The following DSCAM variants were observed in gnomAD, a reference collection of about 807,000 sequenced individuals.
DSCAM encodes the protein DS cell adhesion molecule, also known as cell adhesion molecule DSCAM.
In DSCAM, 47 loss-of-function variants were observed where a neutral mutation model predicts 217.7. The ratio of observed to expected loss-of-function variants is 0.22; its 90% confidence interval spans 0.17 to 0.28. The LOEUF is 0.28. Ranked by LOEUF, DSCAM falls within the 10% of genes least tolerant of loss-of-function variation. The pLI, the probability that DSCAM is intolerant of heterozygous loss-of-function variation, is 1.00. For missense variants in DSCAM, 2,080 were observed against 2,618.3 expected (o/e 0.79, Z 4.49); for synonymous variants, 1,056 against 1,015.3 (o/e 1.04, Z -0.76).
At chr21:40,812,655 T>C (rs2123550493) in intron 1 of DSCAM, among the ~76,000 whole-genome samples, 1 of 152,300 alleles carries the variant, frequency 6.6e-6, no homozygotes, top group South Asian at 2.1e-4. Flanking sequence ...GTCCAGACAA[T>C]TGAACATATA....
intron 30 of DSCAM, among the ~76,000 whole-genome samples, chr21:40,048,142 G>A (rs1801423227): frequency 6.6e-6 from 1 of 152,168 alleles, no homozygotes; most frequent in Non-Finnish European, 1.5e-5. Flanking sequence ...TCTGAGACTA[G>A]GTGATGTCAT....
In DSCAM at chr21:40,028,297, G is replaced by A. The variant is rs1432866388; in HGVS notation, c.5686+14074C>T. 1.5e-4 allele frequency among the ~76,000 whole-genome samples: 17 copies of A among 109,912 alleles called. 5 individuals carry two copies. Among genetic ancestry groups the A allele is most frequent in the Non-Finnish European group, 1.3e-4 (7 of 53,180 alleles). 72.1% of individuals were successfully genotyped at this position (109,912 alleles called of 152,430 possible). On this transcript the variant is annotated intron_variant, in intron 32 of 32. Coordinates refer to ENST00000400454, the MANE Select transcript of DSCAM (RefSeq NM_001389.5). ...AGACAGGGACATTTGAGTCTGCAGA[G>A]GTTACTGCTGTCTTTTTGTTTGTCT...
At chr21:40,485,894 AC>A (rs1443795806) in intron 3 of DSCAM, among the ~76,000 whole-genome samples, 2 of 152,210 alleles carry the variant, frequency 1.3e-5, no homozygotes, top group African/African-American at 4.8e-5. Context: ...CCTTTTGACT[AC>A]CAACACAATT....
chr21:40,042,912 C>T (rs2088779716), intron 31 of DSCAM, among the ~76,000 whole-genome samples: 1 of 152,092 alleles, frequency 6.6e-6, no homozygotes, highest in African/African-American at 2.4e-5. Flanking sequence ...GATGTCCCAG[C>T]TTGGGACATT....
intron 3 of DSCAM, among the ~76,000 whole-genome samples, chr21:40,523,282 C>CA (rs35365201): frequency 0.2 from 30,795 of 151,998 alleles, 3,388 homozygotes; most frequent in East Asian, 0.36. Flanking sequence ...CCAAATATTG[C>CA]AATTCCCAAG....
At chr21:40,422,976 G>T (rs755774455) in intron 3 of DSCAM, among the ~76,000 whole-genome samples, 1 of 152,140 alleles carries the variant, frequency 6.6e-6, no homozygotes, top group Non-Finnish European at 1.5e-5. Context: ...ATCTTTATCT[G>T]AGCAGAATCC....
At chr21:40,732,856 G>A (rs1019810963) in intron 1 of DSCAM, among the ~76,000 whole-genome samples, 1 of 152,190 alleles carries the variant, frequency 6.6e-6, no homozygotes, top group Non-Finnish European at 1.5e-5. Flanking sequence ...CCACGGATAT[G>A]ATGATCACTT....
intron 9 of DSCAM, among the ~76,000 whole-genome samples, chr21:40,297,594 A>C (rs572515690): frequency 8.8e-4 from 134 of 152,326 alleles, no homozygotes; most frequent in African/African-American, 3.1e-3. Flanking sequence ...GAAGATGGTT[A>C]GGGCCTAAGT....
chr21:40,080,453 T>C, intron 24 of DSCAM, 113 bp from the exon 25 acceptor site: 2 of 931,848 alleles, frequency 2.1e-6, no homozygotes, highest in Non-Finnish European at 3.1e-6. Flanking sequence ...AACTGAAGAA[T>C]CTTCAGAAGG....
At position 40,656,561 on chromosome 21, in the gene DSCAM, G is replaced by A. The variant is rs374543110; in HGVS notation, c.508+36249C>T. 1.1e-3 allele frequency among the ~76,000 whole-genome samples: 163 copies of A among 151,868 alleles called. 2 individuals are homozygous for A. Among genetic ancestry groups the A allele is most frequent in the African/African-American group, 3.9e-3 (161 of 41,408 alleles). ...AGTTCTGTCTGCACAAGTCCGGTAT[G>A]TTCTCCTCTCTTAAAAGAGCAAGAT... On this transcript the variant is annotated intron_variant, in intron 3 of 32. Transcript: ENST00000400454.
chr21:40,579,781 T>C lies in DSCAM; in HGVS notation c.508+113029A>G, dbSNP rs545339765. On this transcript the variant is annotated intron_variant, in intron 3 of 32. Coordinates refer to ENST00000400454, the MANE Select transcript of DSCAM (RefSeq NM_001389.5). ...TCAAAAATTAAGCAAAACAAAGATG[T>C]TTTCAGATATAAGAATAAAAGAATG... 2.0e-5 allele frequency among the ~76,000 whole-genome samples: 3 copies of C among 152,294 alleles called. No individual in the cohort carries two copies. In the South Asian group the frequency reaches 6.2e-4, roughly 32 times the overall value.
intron 3 of DSCAM, among the ~76,000 whole-genome samples, chr21:40,601,582 T>C (rs1316326850): frequency 1.3e-5 from 2 of 152,226 alleles, no homozygotes; most frequent in Non-Finnish European, 1.5e-5. Context: ...AATCTTTTAC[T>C]TGTTCCAATC....
rs2089576720 is a variant in DSCAM at position 40,624,766 on chromosome 21, A to C, written c.508+68044T>G. Among the ~76,000 whole-genome samples, 5 of 27,122 alleles carry C rather than the reference A, an allele frequency of 1.8e-4. No individual in the cohort carries two copies. In the Admixed American group the frequency reaches 2.4e-3, roughly 13 times the overall value. The allele number at this position is 27,122 out of a possible 152,430, so 17.8% of individuals were successfully genotyped here. On this transcript the variant is annotated intron_variant, in intron 3 of 32. Coordinates refer to ENST00000400454, the MANE Select transcript of DSCAM (RefSeq NM_001389.5). ...GAAACCTTTGTGTGCATACACATCC[A>C]AAAGCACATCCACACAAACACACAC...
chr21:40,369,271 G>T, intron 3 of DSCAM, 26 bp from the exon 4 acceptor site: 2 of 1,592,080 alleles, frequency 1.3e-6, no homozygotes, highest in Non-Finnish European at 8.5e-7. Context: ...ACAGTGGCTT[G>T]GTTAAAAGAC....
intron 3 of DSCAM, among the ~76,000 whole-genome samples, chr21:40,620,436 A>G (rs1304042488): frequency 1.6e-5 from 2 of 126,798 alleles, no homozygotes; most frequent in African/African-American, 6.1e-5. Context: ...GGGAGGGGGA[A>G]GGGAGGGAAA....
At chr21:40,661,675 G>A (rs2090140654) in intron 3 of DSCAM, among the ~76,000 whole-genome samples, 1 of 152,182 alleles carries the variant, frequency 6.6e-6, no homozygotes. Flanking sequence ...AACACTAACA[G>A]ATTGCCCTAA....
Position 40,155,436 on chromosome 21 carries a change from G to A in DSCAM, c.3019-10705C>T, listed in dbSNP as rs530315978. Among the ~76,000 whole-genome samples, 58 of 152,322 alleles carry A rather than the reference G, an allele frequency of 3.8e-4. No homozygotes were observed. In the South Asian group the frequency reaches 0.011, roughly 30 times the overall value. Reference sequence around the variant, plus strand: ...CTTTGGCCCACCACACACGCCTGGAGGGCCCAACCCAGAGTAGCCCCTCTG... The same window carrying A: ...CTTTGGCCCACCACACACGCCTGGAAGGCCCAACCCAGAGTAGCCCCTCTG... On this transcript the variant is annotated intron_variant, in intron 16 of 32. Coordinates refer to ENST00000400454, the MANE Select transcript of DSCAM (RefSeq NM_001389.5).
chr21:40,673,337 G>A (rs537701102), intron 3 of DSCAM, among the ~76,000 whole-genome samples: 99 of 152,274 alleles, frequency 6.5e-4, no homozygotes, highest in Admixed American at 1.8e-3. Context: ...GAAACCCAGT[G>A]TATCTACATA....
At chr21:40,504,295 C>T (rs2076193562) in intron 3 of DSCAM, among the ~76,000 whole-genome samples, 1 of 152,148 alleles carries the variant, frequency 6.6e-6, no homozygotes, top group Non-Finnish European at 1.5e-5. Flanking sequence ...TTGGCCGACT[C>T]CTCAGCCAGG....
Sources: gnomAD v4.1 joint callset for allele counts (sites outside exome capture counted in the v4.1 genomes callset) on GRCh38, gnomAD v4.1.1 for gene constraint, MANE v1.5 for transcripts, NCBI Gene and HGNC (gene_info 2026-07-23, HGNC 2026-07-21) for gene names.